RNF212: variants seen among roughly 807,000 people sequenced by gnomAD.
RNF212 encodes the protein probable E3 SUMO-protein ligase RNF212.
Under a neutral mutation model 34.7 loss-of-function variants are expected in RNF212, and 33 were observed. That is an observed-to-expected ratio of 0.95 (90% CI 0.72 to 1.27). RNF212 has a LOEUF of 1.27. RNF212 is among the 50% of genes most tolerant of loss of function. The pLI, the probability that RNF212 is intolerant of heterozygous loss-of-function variation, is 0.00. For synonymous variants in RNF212, 140 were observed against 136.1 expected (o/e 1.03, Z -0.20); for missense variants, 377 against 362.2 (o/e 1.04, Z -0.33).
At chr4:1,073,571 G>C in intron 9 of RNF212, 28 bp downstream of exon 9, 1 of 1,488,140 alleles carries the variant, frequency 6.7e-7, no homozygotes, top group East Asian at 2.3e-5. Flanking sequence ...GCATGTATCG[G>C]TCTGAGGTTA....
chr4:1,105,936 G>A (rs909365091), intron 2 of RNF212, among the ~76,000 whole-genome samples: 1 of 152,250 alleles, frequency 6.6e-6, no homozygotes, highest in Non-Finnish European at 1.5e-5. Flanking sequence ...AGGGGCTGCA[G>A]GCCAAGCTGG....
chr4:1,103,904 G>C (rs575850537), intron 2 of RNF212, among the ~76,000 whole-genome samples: 1 of 152,140 alleles, frequency 6.6e-6, no homozygotes, highest in Non-Finnish European at 1.5e-5. Flanking sequence ...AAAAGGAAGC[G>C]CATAAGGAAT....
At chr4:1,065,135 A>G (rs1181271673) in intron 3 of RNF212, among the ~76,000 whole-genome samples, 1 of 152,200 alleles carries the variant, frequency 6.6e-6, no homozygotes, top group Non-Finnish European at 1.5e-5. Flanking sequence ...CCCTGCTTTC[A>G]ATCCTTTTGA....
chr4:1,094,072 G>T, intron 3 of RNF212: 2 of 1,360,024 alleles, frequency 1.5e-6, no homozygotes, highest in South Asian at 1.4e-5. Context: ...GGACAGTCTT[G>T]GGGACCTGGC....
At chr4:1,102,965 C>G (rs1378206639) in intron 2 of RNF212, among the ~76,000 whole-genome samples, 4 of 144,884 alleles carry the variant, frequency 2.8e-5, no homozygotes, top group Non-Finnish European at 4.5e-5. Context: ...CAGGGTGAAA[C>G]CCCCGTCTCT....
In RNF212 at chr4:1,113,407, A is replaced by T; in HGVS notation, c.58T>A (p.Phe20Ile). ...ACGTGCCCGCAGTTGGTGAGGCTGA[A>T]GCACGACGTCCTGTGGGGCGGCTGG... ...CFQPPHRTSCFSLTNCGHVYC... is the reference protein window; with the variant it reads ...CFQPPHRTSCISLTNCGHVYC... Residue 20 changes from phenylalanine to isoleucine, a missense_variant, in exon 1 of 10, where the codon TTC becomes ATC. Physicochemically the swap from Phe to Ile is conservative, Grantham distance 21. Coordinates refer to ENST00000433731, the MANE Select transcript of RNF212 (RefSeq NM_001131034.4). The T allele has an allele frequency of 6.2e-7, 1 of 1,605,630 alleles. No individual in the cohort carries two copies. The highest frequency in any genetic ancestry group is 8.5e-7 in the Non-Finnish European group (1 of 1,177,178).
At chr4:1,094,987 T>C (rs1201748312) in intron 3 of RNF212, among the ~76,000 whole-genome samples, 1 of 152,224 alleles carries the variant, frequency 6.6e-6, no homozygotes, top group African/African-American at 2.4e-5. Flanking sequence ...CAGAAATATT[T>C]TGGCAGAAAA....
intron 8 of RNF212, among the ~76,000 whole-genome samples, chr4:1,074,675 G>A (rs1718989424): frequency 6.6e-6 from 1 of 152,138 alleles, no homozygotes; most frequent in Non-Finnish European, 1.5e-5. Flanking sequence ...TGAGCTGCCT[G>A]CAGGCCAGCT....
intron 1 of RNF212, among the ~76,000 whole-genome samples, chr4:1,110,153 C>T (rs188520434): frequency 6.5e-4 from 99 of 152,254 alleles, no homozygotes; most frequent in South Asian, 2.3e-3. Flanking sequence ...GAGGAAATCA[C>T]GTGCGGCCAA....
downstream of RNF212, among the ~76,000 whole-genome samples, chr4:1,068,402 C>A (rs1718228312): frequency 6.6e-6 from 1 of 152,184 alleles, no homozygotes; most frequent in Non-Finnish European, 1.5e-5. Context: ...AAAAATCCCT[C>A]TTGATTTTTC....
In RNF212 at chr4:1,108,402, T is replaced by TA. The variant is rs768155534; in HGVS notation, c.111dup (p.Lys38Ter). 244 of 1,485,528 alleles carry TA rather than the reference T, an allele frequency of 1.6e-4. No homozygotes were observed. Among genetic ancestry groups the TA allele is most frequent in the Non-Finnish European group, 2.0e-4 (222 of 1,120,498 alleles). 92.0% of individuals were successfully genotyped at this position (1,485,528 alleles called of 1,614,324 possible). A position where few individuals can be genotyped will look rare whatever the true frequency, so the allele number is the denominator to read the frequency against. On this transcript the variant is annotated frameshift_variant and splice_region_variant, in exon 2 of 10. Transcript: ENST00000433731. LOFTEE classifies it high-confidence loss of function. ...TTACAAATCAAGCATTCATTCTTTT[T>TA]ACCTATAAAATAAAAATAGGCTTTA...
At chr4:1,112,822 C>T (rs1398526279) in intron 1 of RNF212, among the ~76,000 whole-genome samples, 8 of 99,092 alleles carry the variant, frequency 8.1e-5, no homozygotes, top group South Asian at 9.5e-4. Context: ...CCCTTCCCCC[C>T]CAAGCCTTGA....
chr4:1,102,663 TA>T (rs2153061604), intron 2 of RNF212, among the ~76,000 whole-genome samples: 1 of 150,724 alleles, frequency 6.6e-6, no homozygotes, highest in African/African-American at 2.4e-5. Flanking sequence ...CCATCCTGGC[TA>T]ACATGGTGAA....
At chr4:1,108,290 TA>T (rs1725128711) in intron 2 of RNF212, 52 bp downstream of exon 2, 1 of 1,212,218 alleles carries the variant, frequency 8.2e-7, no homozygotes, top group South Asian at 1.6e-5. Context: ...ATATCAAATT[TA>T]AAAGGAAATA....
chr4:1,091,567 T>C (rs1166929209), intron 3 of RNF212, among the ~76,000 whole-genome samples: 2 of 152,128 alleles, frequency 1.3e-5, no homozygotes, highest in African/African-American at 4.8e-5. Flanking sequence ...CCCACTTCAC[T>C]CCACCTTGCC....
At chr4:1,098,173 G>A (rs922777091) in intron 2 of RNF212, among the ~76,000 whole-genome samples, 50 of 144,234 alleles carry the variant, frequency 3.5e-4, no homozygotes, top group Non-Finnish European at 3.6e-4. Flanking sequence ...TGTGGTTCAG[G>A]ACAGTGAGCG....
At chr4:1,064,937 C>T (rs1577616599) in intron 3 of RNF212, among the ~76,000 whole-genome samples, 1 of 152,226 alleles carries the variant, frequency 6.6e-6, no homozygotes, top group South Asian at 2.1e-4. Context: ...GCATAGCGTC[C>T]TCAATGTTCA....
intron 4 of RNF212, among the ~76,000 whole-genome samples, chr4:1,086,612 G>A: frequency 6.7e-5 from 1 of 14,868 alleles, no homozygotes; most frequent in Non-Finnish European, 1.5e-4. Flanking sequence ...AGAGGGGTGG[G>A]GGTGAGGAAG....
chr4:1,079,727 G>A (rs1470857678), intron 7 of RNF212, 39 bp from the exon 8 acceptor site: 1 of 1,447,848 alleles, frequency 6.9e-7, no homozygotes, highest in African/African-American at 1.4e-5. Context: ...GTGAGCCCAG[G>A]ACTTACCTCT....
Sources: gnomAD v4.1 joint callset for allele counts (sites outside exome capture counted in the v4.1 genomes callset) on GRCh38, gnomAD v4.1.1 for gene constraint, MANE v1.5 for transcripts, NCBI Gene and HGNC (gene_info 2026-07-23, HGNC 2026-07-21) for gene names.